The following RIN2 variants were observed in gnomAD, a reference collection of about 807,000 sequenced individuals.
The protein encoded by RIN2 is Ras and Rab interactor 2.
Under a neutral mutation model 78.0 loss-of-function variants are expected in RIN2, and 36 were observed. The observed-to-expected ratio is 0.46, with a 90% CI of 0.35 to 0.61. The LOEUF (loss-of-function observed/expected upper bound fraction) is 0.61. RIN2 is among the 20% of genes least tolerant of loss of function. RIN2 has a pLI of 0.00. For synonymous variants in RIN2, 466 were observed against 466.8 expected (o/e 1.00, Z 0.02); for missense variants, 1,087 against 1,159.7 (o/e 0.94, Z 0.91).
At chr20:19,879,844 G>A (rs560105708) in intron 2 of RIN2, among the ~76,000 whole-genome samples, 9 of 152,242 alleles carry the variant, frequency 5.9e-5, no homozygotes, top group African/African-American at 2.2e-4. Flanking sequence ...TATAGAGAGA[G>A]GAAAGATCTT....
intron 9 of RIN2, among the ~76,000 whole-genome samples, chr20:19,982,170 A>ACGAGGTGT (rs1392881724): frequency 6.6e-6 from 1 of 152,194 alleles, no homozygotes; most frequent in Non-Finnish European, 1.5e-5. Context: ...CAGCGTGCTT[A>ACGAGGTGT]CGAGGTGTCA....
intron 2 of RIN2, among the ~76,000 whole-genome samples, chr20:19,803,633 A>C (rs1600492886): frequency 6.6e-6 from 1 of 152,138 alleles, no homozygotes; most frequent in Non-Finnish European, 1.5e-5. Context: ...CAAAACTAAA[A>C]ATCAGATCTT....
At chr20:19,997,704 A>C (rs1034804158) in intron 12 of RIN2, among the ~76,000 whole-genome samples, 50 of 151,936 alleles carry the variant, frequency 3.3e-4, no homozygotes, top group Admixed American at 3.1e-3. Context: ...GGTTGCAGTG[A>C]GCCGAGATCA....
chr20:19,915,906 T>G (rs2039664325), intron 3 of RIN2, among the ~76,000 whole-genome samples: 1 of 152,210 alleles, frequency 6.6e-6, no homozygotes, highest in Admixed American at 6.5e-5. Context: ...CCTTTCACTG[T>G]GAACCCTTAC....
intron 2 of RIN2, among the ~76,000 whole-genome samples, chr20:19,802,873 A>G (rs1391617460): frequency 6.6e-6 from 1 of 152,168 alleles, no homozygotes; most frequent in Non-Finnish European, 1.5e-5. Context: ...GTTGGAAACA[A>G]TGTATCCTCT....
chr20:19,901,261 C>T (rs753230909), intron 3 of RIN2, among the ~76,000 whole-genome samples: 2 of 152,204 alleles, frequency 1.3e-5, no homozygotes, highest in Non-Finnish European at 2.9e-5. Flanking sequence ...AATAACTCTG[C>T]AAGCCTTGGT....
chr20:19,817,145 CGT>C (rs1291701744), intron 2 of RIN2, among the ~76,000 whole-genome samples: 1 of 152,186 alleles, frequency 6.6e-6, no homozygotes, highest in Non-Finnish European at 1.5e-5. Context: ...AGTTGCAACA[CGT>C]GTGTTATTAC....
intron 1 of RIN2, among the ~76,000 whole-genome samples, chr20:19,773,080 G>A (rs983967047): frequency 1.3e-5 from 2 of 152,160 alleles, no homozygotes; most frequent in Non-Finnish European, 2.9e-5. Flanking sequence ...TCCCTCTGAC[G>A]GTGGTAGGGA....
At chr20:19,824,996 G>A (rs2036043007) in intron 2 of RIN2, among the ~76,000 whole-genome samples, 1 of 152,176 alleles carries the variant, frequency 6.6e-6, no homozygotes, top group South Asian at 2.1e-4. Flanking sequence ...GACACACTCA[G>A]ACATACTGAC....
chr20:19,943,070 G>T (rs1300891025), intron 4 of RIN2, among the ~76,000 whole-genome samples: 1 of 152,252 alleles, frequency 6.6e-6, no homozygotes, highest in African/African-American at 2.4e-5. Context: ...GAAGCAGGGT[G>T]CATGCCCCGG....
At chr20:19,845,996 A>G (rs887391248) in intron 2 of RIN2, among the ~76,000 whole-genome samples, 5 of 152,110 alleles carry the variant, frequency 3.3e-5, no homozygotes, top group African/African-American at 1.2e-4. Context: ...TCCTTTCCCC[A>G]TTGCTTGTTT....
At chr20:19,924,433 C>G (rs146989820) in intron 3 of RIN2, among the ~76,000 whole-genome samples, 4 of 107,312 alleles carry the variant, frequency 3.7e-5, no homozygotes, top group East Asian at 2.6e-4. Flanking sequence ...CTTTCATACC[C>G]CCACCTTCAT....
chr20:19,906,847 G>C (rs1426316067), intron 3 of RIN2, among the ~76,000 whole-genome samples: 1 of 152,198 alleles, frequency 6.6e-6, no homozygotes, highest in Non-Finnish European at 1.5e-5. Context: ...GTGTCCTATA[G>C]GCCACTGGAG....
At chr20:19,933,359 C>T (rs1346079662) in intron 3 of RIN2, among the ~76,000 whole-genome samples, 1 of 152,166 alleles carries the variant, frequency 6.6e-6, no homozygotes, top group Admixed American at 6.5e-5. Context: ...GTGGAGGGCT[C>T]TTCCTTTGAT....
At chr20:19,766,803 T>C (rs1453083101) in intron 1 of RIN2, among the ~76,000 whole-genome samples, 2 of 151,574 alleles carry the variant, frequency 1.3e-5, no homozygotes, top group Non-Finnish European at 2.9e-5. Context: ...CACCTGCTAC[T>C]CGGGAGATTG....
At chr20:19,912,994 G>A (rs1600778868) in intron 3 of RIN2, among the ~76,000 whole-genome samples, 5 of 152,174 alleles carry the variant, frequency 3.3e-5, no homozygotes, top group South Asian at 2.1e-4. Flanking sequence ...AAAGTGCTGC[G>A]AGGTCCTCTT....
intron 4 of RIN2, among the ~76,000 whole-genome samples, chr20:19,944,217 A>G (rs1448009726): frequency 6.6e-6 from 1 of 152,002 alleles, no homozygotes; most frequent in Admixed American, 6.6e-5. Flanking sequence ...TATCTTCAGT[A>G]TGGGCCATTA....
At chr20:19,814,634 C>A (rs1282861670) in intron 2 of RIN2, among the ~76,000 whole-genome samples, 1 of 152,122 alleles carries the variant, frequency 6.6e-6, no homozygotes, top group East Asian at 1.9e-4. Context: ...GGGTTTTGCC[C>A]TTTCATCCAG....
chr20:19,845,574 AT>A (rs58960543), intron 2 of RIN2, among the ~76,000 whole-genome samples: 118,151 of 138,752 alleles, frequency 0.85, 50,013 homozygotes, highest in East Asian at 0.98. Context: ...CTACTTTTTG[AT>A]TTTTTTTTTT....
Sources: allele counts gnomAD v4.1 joint callset (sites outside exome capture counted in the v4.1 genomes callset), GRCh38; gene constraint gnomAD v4.1.1; transcripts MANE v1.5; gene names NCBI Gene and HGNC (gene_info 2026-07-23, HGNC 2026-07-21).